The following CFAP299 variants were observed in gnomAD, a reference collection of about 807,000 sequenced individuals.
CFAP299 encodes the protein cilia and flagella associated protein 299.
CFAP299 carries 21 observed loss-of-function variants against 27.0 expected under a neutral mutation model. The ratio of observed to expected loss-of-function variants is 0.78; its 90% CI spans 0.55 to 1.12. The LOEUF is 1.12. CFAP299 is among the 50% of genes most tolerant of loss of function. The pLI is 0.00. For missense variants in CFAP299, 310 were observed against 276.6 expected (o/e 1.12, Z -0.86); for synonymous variants, 104 against 98.1 (o/e 1.06, Z -0.36).
At chr4:80,822,919 T>C (rs112970761) in intron 3 of CFAP299, among the ~76,000 whole-genome samples, 1 of 152,228 alleles carries the variant, frequency 6.6e-6, no homozygotes, top group Non-Finnish European at 1.5e-5. Context: ...TCTTTTTTTT[T>C]CTTGTTACCA....
intron 2 of CFAP299, among the ~76,000 whole-genome samples, chr4:80,365,171 G>T (rs1342107560): frequency 1.3e-5 from 2 of 152,076 alleles, no homozygotes; most frequent in African/African-American, 4.8e-5. Flanking sequence ...GGTCTTTGAA[G>T]AATTGGCAAA....
chr4:80,537,833 CA>C (rs70944787), intron 2 of CFAP299, among the ~76,000 whole-genome samples: 9 of 146,024 alleles, frequency 6.2e-5, no homozygotes, highest in Non-Finnish European at 7.6e-5. Context: ...ATGTTCTCTC[CA>C]AAAAAAAAAT....
rs371907109 is a variant in CFAP299, at chr4:80,364,089, A to AACACACACACCCACACCCACACACACAC, written c.242+1215_242+1216insCCACACCCACACACACACACACACACAC. On this transcript the variant is annotated intron_variant, in intron 2 of 5. Coordinates refer to ENST00000358105, the MANE Select transcript of CFAP299 (RefSeq NM_152770.3). The stretch of plus-strand genomic sequence containing the variant: ...GCAACAGAGCGAGACTCCGTCTCAA[A>AACACACACACCCACACCCACACACACAC]ACACACACACACACACACACACACA... Among the ~76,000 whole-genome samples the AACACACACACCCACACCCACACACACAC allele has an allele frequency of 2.3e-4, 26 of 110,878 alleles. 1 individual carries two copies. The highest frequency in any genetic ancestry group is 1.0e-3 in the African/African-American group (26 of 26,048). The allele number at this position is 110,878 out of a possible 152,430, so 72.7% of individuals were successfully genotyped here. A position where few individuals can be genotyped will look rare whatever the true frequency, so the allele number is the denominator to read the frequency against.
chr4:80,440,599 G>GA (rs1303641636), intron 2 of CFAP299, among the ~76,000 whole-genome samples: 1 of 152,114 alleles, frequency 6.6e-6, no homozygotes, highest in African/African-American at 2.4e-5. Flanking sequence ...CAAAGATGAG[G>GA]AAAAAACAGT....
At chr4:80,611,691 A>G (rs992862631) in intron 3 of CFAP299, among the ~76,000 whole-genome samples, 2 of 152,122 alleles carry the variant, frequency 1.3e-5, no homozygotes, top group Admixed American at 6.5e-5. Context: ...TTTGAACTCC[A>G]CTGAGCAAAC....
chr4:80,764,472 A>C (rs80201524), intron 3 of CFAP299, among the ~76,000 whole-genome samples: 2 of 152,168 alleles, frequency 1.3e-5, no homozygotes, highest in African/African-American at 2.4e-5. Context: ...GGAGAGAAAT[A>C]GGAACGCGTT....
chr4:80,414,153 C>G (rs1726881188), intron 2 of CFAP299, among the ~76,000 whole-genome samples: 2 of 144,184 alleles, frequency 1.4e-5, no homozygotes, highest in South Asian at 2.2e-4. Flanking sequence ...TCACTGCAAG[C>G]TCCGCCTCCC....
At chr4:80,592,838 CAGTTGAATATAATTT>C (rs1222464423) in intron 3 of CFAP299, among the ~76,000 whole-genome samples, 11 of 152,098 alleles carry the variant, frequency 7.2e-5, no homozygotes, top group Admixed American at 7.2e-4. Flanking sequence ...TCTGATTTTC[CAGTTGAATATAATTT>C]AATACTTTAA....
intron 3 of CFAP299, among the ~76,000 whole-genome samples, chr4:80,771,731 C>T (rs1462830260): frequency 2.0e-5 from 3 of 152,048 alleles, no homozygotes; most frequent in Non-Finnish European, 4.4e-5. Context: ...TTTAAGGTGG[C>T]CCCTCCAGCC....
At chr4:80,946,575 TA>T (rs1457325639) in intron 5 of CFAP299, among the ~76,000 whole-genome samples, 1 of 152,148 alleles carries the variant, frequency 6.6e-6, no homozygotes, top group East Asian at 1.9e-4. Flanking sequence ...TAAAAACAGG[TA>T]TTCTGAGACA....
chr4:80,512,525 G>C (rs181656523), intron 2 of CFAP299, among the ~76,000 whole-genome samples: 50 of 152,170 alleles, frequency 3.3e-4, no homozygotes, highest in Non-Finnish European at 6.5e-4. Context: ...TGGCGAATAA[G>C]CTATATAATA....
rs992945514 is a variant in CFAP299, at chr4:80,388,762, G to A, written c.242+25878G>A. ...TATAATTAATCAATAGATTTTTTGGGGAGGTAGGGTTTCTATGCTGTTAGT... is the reference window on the plus strand; with the variant it reads ...TATAATTAATCAATAGATTTTTTGGAGAGGTAGGGTTTCTATGCTGTTAGT... On this transcript the variant is annotated intron_variant, in intron 2 of 5. Coordinates refer to ENST00000358105, the MANE Select transcript of CFAP299 (RefSeq NM_152770.3). The A allele has an allele frequency of 1.8e-4, 88 of 487,548 alleles. 1 individual carries two copies. The highest frequency in any genetic ancestry group is 1.3e-3 in the African/African-American group (65 of 49,400). 30.2% of individuals were successfully genotyped at this position (487,548 alleles called of 1,614,324 possible).
At chr4:80,725,796 G>T (rs1301442734) in intron 3 of CFAP299, among the ~76,000 whole-genome samples, 4 of 152,162 alleles carry the variant, frequency 2.6e-5, no homozygotes, top group Non-Finnish European at 4.4e-5. Flanking sequence ...CCTCGTGCTT[G>T]ACTGATACCT....
At chr4:80,875,250 C>T (rs1733309935) in intron 4 of CFAP299, among the ~76,000 whole-genome samples, 1 of 152,200 alleles carries the variant, frequency 6.6e-6, no homozygotes, top group African/African-American at 2.4e-5. Context: ...TGGACCAGAT[C>T]TGCCTGCAGA....
intron 2 of CFAP299, among the ~76,000 whole-genome samples, chr4:80,503,873 G>C (rs1165200584): frequency 6.6e-6 from 1 of 152,092 alleles, no homozygotes; most frequent in African/African-American, 2.4e-5. Flanking sequence ...TGATGGGGTG[G>C]CATTTCCTAT....
At chr4:80,692,590 AC>A (rs1226010443) in intron 3 of CFAP299, among the ~76,000 whole-genome samples, 1 of 152,130 alleles carries the variant, frequency 6.6e-6, no homozygotes, top group Non-Finnish European at 1.5e-5. Flanking sequence ...ACCATAAAAA[AC>A]CCTAGAAGAA....
chr4:80,736,474 A>C (rs1447518088), intron 3 of CFAP299, among the ~76,000 whole-genome samples: 4 of 152,192 alleles, frequency 2.6e-5, no homozygotes, highest in Admixed American at 6.5e-5. Context: ...CAAGAAAAAA[A>C]AAACAACCCC....
intron 3 of CFAP299, among the ~76,000 whole-genome samples, chr4:80,843,141 T>A (rs1339176056): frequency 6.6e-6 from 1 of 152,012 alleles, no homozygotes; most frequent in African/African-American, 2.4e-5. Flanking sequence ...GCAGGTTTGT[T>A]ATATATGTAT....
intron 3 of CFAP299, among the ~76,000 whole-genome samples, chr4:80,695,787 C>T (rs1432097127): frequency 6.6e-6 from 1 of 151,572 alleles, no homozygotes; most frequent in Non-Finnish European, 1.5e-5. Context: ...GTCATCCCAC[C>T]TCAGCCTACT....
Sources: allele counts gnomAD v4.1 joint callset (sites outside exome capture counted in the v4.1 genomes callset), GRCh38; gene constraint gnomAD v4.1.1; transcripts MANE v1.5; gene names NCBI Gene and HGNC (gene_info 2026-07-23, HGNC 2026-07-21).